Variants in PDPK1 observed in about 807,000 individuals in gnomAD.
The protein encoded by PDPK1 is 3-phosphoinositide dependent protein kinase 1.
PDPK1 carries 7 observed loss-of-function variants against 39.8 expected under a neutral mutation model. The observed-to-expected ratio is 0.18, with a 90% CI of 0.10 to 0.33. PDPK1 has a LOEUF of 0.33. Among genes scored for constraint, PDPK1 ranks in the 10% least tolerant of loss-of-function variants. The pLI, the probability that PDPK1 is intolerant of heterozygous loss-of-function variation, is 1.00. For missense variants in PDPK1, 182 were observed against 384.7 expected, an observed-to-expected ratio of 0.47 and a Z score of 4.41; for synonymous variants, 118 against 159.1, an observed-to-expected ratio of 0.74 and a Z score of 1.95.
rs1318972047 is a variant in PDPK1, at chr16:2,601,334, G to A, written c.*3567G>A. On this transcript the variant is annotated 3_prime_UTR_variant, in exon 14 of 14. Coordinates refer to ENST00000342085, the MANE Select transcript of PDPK1 (RefSeq NM_002613.5). ...CCGCTCTTTATTTAAATGCTAAGAG[G>A]ATGTCACTACTGCAATCCATCTGTG... 4.3e-6 allele frequency: 1 copy of A among 234,534 alleles called. No homozygotes were observed. The allele number at this position is 234,534 out of a possible 1,614,324, so 14.5% of individuals were successfully genotyped here.
At chr16:2,538,661 C>T (rs1318085179) in intron 1 of PDPK1, 15 of 1,288,854 alleles carry the variant, frequency 1.2e-5, no homozygotes, top group African/African-American at 3.0e-5. Context: ...TTTCACGGCC[C>T]GGCCAAGGGG....
intron 11 of PDPK1, among the ~76,000 whole-genome samples, chr16:2,587,629 C>A (rs2066904456): frequency 6.6e-6 from 1 of 152,238 alleles, no homozygotes; most frequent in Non-Finnish European, 1.5e-5. Context: ...CTGCCTCAAC[C>A]TCTCAAGTAG....
At chr16:2,585,685 C>T (rs993634772) in intron 10 of PDPK1, among the ~76,000 whole-genome samples, 24 of 152,208 alleles carry the variant, frequency 1.6e-4, no homozygotes, top group Non-Finnish European at 2.9e-4. Context: ...GGGCCGGCAG[C>T]GTCGGGCGTT....
chr16:2,585,597 T>C (rs1017856725), intron 10 of PDPK1, among the ~76,000 whole-genome samples: 4 of 152,162 alleles, frequency 2.6e-5, no homozygotes, highest in South Asian at 2.1e-4. Flanking sequence ...AGTGTGACCA[T>C]TGGGCAGTGT....
chr16:2,600,137 C>T lies in PDPK1; in HGVS notation c.*2370C>T, dbSNP rs1369385184. On this transcript the variant is annotated 3_prime_UTR_variant, in exon 14 of 14. Transcript: ENST00000342085. ...ATGTCTACTCCGGTTTTCTCTACCACATCCTTAGAGCCATCACCTGGCACG... is the reference window on the plus strand; with the variant it reads ...ATGTCTACTCCGGTTTTCTCTACCATATCCTTAGAGCCATCACCTGGCACG... 4.3e-6 allele frequency: 1 copy of T among 233,146 alleles called. No individual in the cohort carries two copies. The highest frequency in any genetic ancestry group is 2.2e-5 in the African/African-American group (1 of 45,334). The allele number at this position is 233,146 out of a possible 1,614,324, so 14.4% of individuals were successfully genotyped here.
intron 1 of PDPK1, chr16:2,538,595 A>G (rs2066182505): frequency 3.9e-6 from 5 of 1,288,092 alleles, no homozygotes; most frequent in South Asian, 3.7e-5. Context: ...AAAGCACCTG[A>G]TGCTCCTGGG....
intron 1 of PDPK1, among the ~76,000 whole-genome samples, chr16:2,552,981 G>A (rs1303061967): frequency 1.4e-5 from 2 of 143,202 alleles, no homozygotes; most frequent in East Asian, 2.0e-4. Context: ...GCCAGCGTGC[G>A]AGGCTGCTGG....
intron 11 of PDPK1, chr16:2,592,875 G>A: frequency 2.2e-6 from 1 of 456,684 alleles, no homozygotes; most frequent in South Asian, 1.5e-5. Context: ...AGGGGATGCT[G>A]GCGCGGGGGT....
intron 1 of PDPK1, among the ~76,000 whole-genome samples, chr16:2,547,340 C>T (rs902933703): frequency 1.5e-5 from 2 of 133,184 alleles, no homozygotes; most frequent in Non-Finnish European, 3.1e-5. Context: ...TCCTTCAGAG[C>T]ACGGGCTCAG....
intron 11 of PDPK1, among the ~76,000 whole-genome samples, chr16:2,590,483 A>C (rs139173677): frequency 1.3e-5 from 2 of 152,204 alleles, no homozygotes; most frequent in Non-Finnish European, 2.9e-5. Flanking sequence ...TGGGAAGTAT[A>C]CAGAAGGGCA....
At position 2,578,016 on chromosome 16, in the gene PDPK1, C is replaced by T. The variant is rs537097530; in HGVS notation, c.785+516C>T. Among the ~76,000 whole-genome samples, 911 of 148,768 alleles carry T rather than the reference C, an allele frequency of 6.1e-3. 103 individuals carry two copies. Among genetic ancestry groups the T allele is most frequent in the African/African-American group, 0.022 (865 of 39,030 alleles). On this transcript the variant is annotated intron_variant, in intron 7 of 13. Transcript: ENST00000342085. ...CCTTCCAAAGTGCTGGAGTTACAGG[C>T]GTGAGCCACCATGCCCAGCCTGATC...
At chr16:2,545,210 G>T (rs1302286856) in intron 1 of PDPK1, among the ~76,000 whole-genome samples, 2 of 151,652 alleles carry the variant, frequency 1.3e-5, no homozygotes, top group African/African-American at 2.4e-5. Context: ...GCTAATTTTT[G>T]CATTTTTAGT....
intron 1 of PDPK1, among the ~76,000 whole-genome samples, chr16:2,544,921 A>T (rs1279427755): frequency 6.6e-6 from 1 of 151,880 alleles, no homozygotes; most frequent in African/African-American, 2.4e-5. Flanking sequence ...ATTTGAAAGT[A>T]AGTCACACAC....
intron 1 of PDPK1, among the ~76,000 whole-genome samples, chr16:2,541,711 G>A (rs2066248474): frequency 6.6e-6 from 1 of 152,252 alleles, no homozygotes; most frequent in African/African-American, 2.4e-5. Flanking sequence ...TGCTGCTGTG[G>A]AAACTGCAAG....
At position 2,538,605 on chromosome 16, in the gene PDPK1, G is replaced by A. The variant is rs773037808; in HGVS notation, c.24+469G>A. On this transcript the variant is annotated intron_variant, in intron 1 of 13. Coordinates refer to ENST00000342085, the MANE Select transcript of PDPK1 (RefSeq NM_002613.5). The stretch of plus-strand genomic sequence containing the variant: ...TGCTGAAAGCACCTGATGCTCCTGG[G>A]CCCCCTTTTCCAGATTCTTGATGAC... 17 of 1,288,740 alleles carry A rather than the reference G, an allele frequency of 1.3e-5. No homozygotes were observed. The East Asian group carries it at 8.3e-4, about 63-fold the overall frequency. 79.8% of individuals were successfully genotyped at this position (1,288,740 alleles called of 1,614,324 possible).
At chr16:2,589,580 T>C (rs1296206823) in intron 11 of PDPK1, among the ~76,000 whole-genome samples, 1 of 151,526 alleles carries the variant, frequency 6.6e-6, no homozygotes, top group African/African-American at 2.4e-5. Flanking sequence ...CCTAGCTGCT[T>C]GGGGAGGTTG....
Position 2,599,199 on chromosome 16 carries a change from C to A in PDPK1, c.*1432C>A, listed in dbSNP as rs1393131874. 4 of 233,298 alleles carry A rather than the reference C, an allele frequency of 1.7e-5. No homozygotes were observed. Among genetic ancestry groups the A allele is most frequent in the Admixed American group, 5.6e-5 (1 of 17,788 alleles). The allele number at this position is 233,298 out of a possible 1,614,324, so 14.5% of individuals were successfully genotyped here. A position where few individuals can be genotyped will look rare whatever the true frequency, so the allele number is the denominator to read the frequency against. On this transcript the variant is annotated 3_prime_UTR_variant, in exon 14 of 14. Transcript: ENST00000342085. Reference sequence around the variant, plus strand: ...CCCTTCTCTCCCTGCCCAGGTTGTCCCTGGAGGGCAGCCCTCACTCCCTTT... The same window carrying A: ...CCCTTCTCTCCCTGCCCAGGTTGTCACTGGAGGGCAGCCCTCACTCCCTTT...
At chr16:2,588,993 G>T (rs28573243) in intron 11 of PDPK1, among the ~76,000 whole-genome samples, 2,976 of 152,250 alleles carry the variant, frequency 0.02, 96 homozygotes, top group African/African-American at 0.067. Context: ...GTCTTGCTCT[G>T]TCGCCCAGGC....
intron 1 of PDPK1, among the ~76,000 whole-genome samples, chr16:2,544,642 G>A (rs921262078): frequency 6.6e-5 from 10 of 151,810 alleles, no homozygotes; most frequent in African/African-American, 2.2e-4. Context: ...GGAGTGCAGT[G>A]GCGCGATCTC....
Sources: allele counts gnomAD v4.1 joint callset (sites outside exome capture counted in the v4.1 genomes callset), GRCh38; gene constraint gnomAD v4.1.1; transcripts MANE v1.5; gene names NCBI Gene and HGNC (gene_info 2026-07-23, HGNC 2026-07-21).